HAL: variants seen among roughly 807,000 people sequenced by gnomAD.
HAL encodes the protein histidase.
HAL carries 85 observed loss-of-function variants against 81.1 expected under a neutral mutation model. The observed-to-expected ratio is 1.05, with a 90% CI of 0.88 to 1.25. The LOEUF is 1.25. Ranked by LOEUF, HAL falls within the 50% of genes most tolerant of loss-of-function variation. HAL has a pLI of 0.00. For synonymous variants in HAL, 301 were observed against 309.2 expected (o/e 0.97, Z 0.28); for missense variants, 798 against 836.6 (o/e 0.95, Z 0.57).
rs121434329 is a variant in HAL, at chr12:95,990,472, G to A, written c.776C>T (p.Pro259Leu). Residue 259 changes from proline to leucine, a missense_variant, in exon 10 of 21, where the codon CCA (proline) becomes CTA (leucine). Coordinates refer to ENST00000261208, the MANE Select transcript of HAL (RefSeq NM_002108.4). ...GTVGASGDLA[P>L]LSHLALGLVG... ...TAGCCCAAGAGCAAGATGAGAGAGT[G>A]GGGCAAGGTCTCCACTGGCACCAAC... The A allele has an allele frequency of 6.5e-5, 104 of 1,612,008 alleles. No individual in the cohort carries two copies. Among genetic ancestry groups the A allele is most frequent in the East Asian group, 3.8e-4 (17 of 44,890 alleles).
chr12:95,992,930 C>T, intron 8 of HAL, 125 bp from the exon 9 acceptor site: 1 of 864,570 alleles, frequency 1.2e-6, no homozygotes, highest in South Asian at 1.3e-5. Context: ...CTCCTCTCGG[C>T]TCAGGTAGTT....
intron 4 of HAL, 131 bp from the exon 5 acceptor site, chr12:95,994,295 T>C: frequency 1.3e-6 from 1 of 777,952 alleles, no homozygotes. Flanking sequence ...ATATGCTAAA[T>C]AAAAATGCAT....
intron 17 of HAL, 106 bp downstream of exon 17, chr12:95,980,450 T>C: frequency 9.5e-7 from 1 of 1,050,382 alleles, no homozygotes; most frequent in African/African-American, 1.6e-5. Context: ...ATAAAAGTGG[T>C]GAAAAGTTAG....
At chr12:95,990,682 C>A in intron 9 of HAL, 150 bp from the exon 10 acceptor site, 1 of 723,114 alleles carries the variant, frequency 1.4e-6, no homozygotes, top group South Asian at 1.5e-5. Flanking sequence ...GACAATTCTT[C>A]AAACCCAGCT....
chr12:95,993,907 C>T lies in HAL; in HGVS notation c.484+19G>A, dbSNP rs745873290. 6 of 1,511,524 alleles carry T rather than the reference C, an allele frequency of 4.0e-6. No homozygotes were observed. The highest frequency in any genetic ancestry group is 1.1e-5 in the South Asian group (1 of 88,852). The allele number at this position is 1,511,524 out of a possible 1,614,324, so 93.6% of individuals were successfully genotyped here. A position where few individuals can be genotyped will look rare whatever the true frequency, so the allele number is the denominator to read the frequency against. On this transcript the variant is annotated intron_variant, in intron 6 of 20. Transcript: ENST00000261208. ...TGTTTGTTTATAAAAATATTTATAA[C>T]ATAAAGATAAAAAGATACCTGTTTT...
At chr12:95,993,371 T>G in intron 8 of HAL, 80 bp downstream of exon 8, 2 of 925,960 alleles carry the variant, frequency 2.2e-6, no homozygotes, top group Non-Finnish European at 3.6e-6. Context: ...TTTGTGACTA[T>G]AACTGGATAA....
At chr12:95,979,046 TA>T (rs2080760288) in intron 17 of HAL, among the ~76,000 whole-genome samples, 1 of 152,194 alleles carries the variant, frequency 6.6e-6, no homozygotes, top group African/African-American at 2.4e-5. Context: ...TAAACTGTGG[TA>T]AGGCTTGTTC....
At chr12:95,980,185 T>C (rs1175731013) in intron 17 of HAL, among the ~76,000 whole-genome samples, 1 of 152,212 alleles carries the variant, frequency 6.6e-6, no homozygotes, top group Non-Finnish European at 1.5e-5. Context: ...AATTATAGGT[T>C]GGTTCAAGTT....
At chr12:95,995,592 G>C in intron 2 of HAL, 72 bp downstream of exon 2, 1 of 1,593,190 alleles carries the variant, frequency 6.3e-7, no homozygotes. Flanking sequence ...CCCTGAGGTG[G>C]GGGTTCAATG....
chr12:95,990,322 C>T lies in HAL; in HGVS notation c.855+71G>A, dbSNP rs7316786. 9.6e-3 allele frequency: 11,981 copies of T among 1,242,692 alleles called. 870 individuals carry two copies. The African/African-American group carries it at 0.16, about 16-fold the overall frequency. 77.0% of individuals were successfully genotyped at this position (1,242,692 alleles called of 1,614,324 possible). ...GGGCTGTTGTAAGGACTAGGTGATACGAAGCATGCAAGCACAGTTGGTGTC... is the reference window on the plus strand; with the variant it reads ...GGGCTGTTGTAAGGACTAGGTGATATGAAGCATGCAAGCACAGTTGGTGTC... On this transcript the variant is annotated intron_variant, in intron 10 of 20. Coordinates refer to ENST00000261208, the MANE Select transcript of HAL (RefSeq NM_002108.4).
At chr12:95,994,732 G>A in intron 4 of HAL, 66 bp downstream of exon 4, 2 of 1,479,122 alleles carry the variant, frequency 1.4e-6, no homozygotes, top group East Asian at 2.3e-5. Context: ...AGTTTTCCTG[G>A]CTTTCCTCCC....
intron 15 of HAL, among the ~76,000 whole-genome samples, 176 bp from the exon 16 acceptor site, chr12:95,981,039 G>C (rs1468736479): frequency 6.6e-6 from 1 of 152,110 alleles, no homozygotes; most frequent in Non-Finnish European, 1.5e-5. Flanking sequence ...AAAACAAAAA[G>C]CCTTAAAGGT....
intron 14 of HAL, 139 bp downstream of exon 14, chr12:95,985,769 C>A: frequency 1.5e-6 from 1 of 667,510 alleles, no homozygotes; most frequent in Admixed American, 2.4e-5. Flanking sequence ...TTCATAGAGA[C>A]AGTAAGAAAT....
intron 7 of HAL, 75 bp from the exon 8 acceptor site, chr12:95,993,563 G>C: frequency 9.5e-7 from 1 of 1,049,726 alleles, no homozygotes; most frequent in Non-Finnish European, 1.5e-6. Context: ...AAAATGAAGG[G>C]AATCATGGTC....
Position 95,977,393 on chromosome 12 carries a change from A to AC in HAL, c.1654+550_1654+551insG, listed in dbSNP as rs1300652891. Among the ~76,000 whole-genome samples, 3 of 151,810 alleles carry AC rather than the reference A, an allele frequency of 2.0e-5. No individual in the cohort carries two copies. The East Asian group carries it at 5.8e-4, about 30-fold the overall frequency. The stretch of plus-strand genomic sequence containing the variant: ...TGTTTTAAAAGTCTCATTAAAAAAA[A>AC]AACCACTTTGGGGGTGAGGTGGGAG... On this transcript the variant is annotated intron_variant, in intron 18 of 20. Transcript: ENST00000261208.
intron 18 of HAL, 120 bp downstream of exon 18, chr12:95,977,824 G>C: frequency 9.5e-7 from 1 of 1,050,236 alleles, no homozygotes; most frequent in East Asian, 2.4e-5. Context: ...AGGCCTGAGA[G>C]TCTGCCTTCC....
At chr12:95,982,012 T>C (rs759371766) in intron 15 of HAL, among the ~76,000 whole-genome samples, 18 of 152,216 alleles carry the variant, frequency 1.2e-4, no homozygotes, top group Non-Finnish European at 2.4e-4. Flanking sequence ...TGTGAGCCCA[T>C]TGGGTCTAGC....
chr12:95,979,345 T>C (rs184867974), intron 17 of HAL, among the ~76,000 whole-genome samples: 70 of 152,312 alleles, frequency 4.6e-4, no homozygotes, highest in African/African-American at 1.7e-3. Context: ...TTTGTGTTCG[T>C]TGGGAATAAT....
intron 2 of HAL, 36 bp downstream of exon 2, chr12:95,995,628 C>T: frequency 6.2e-7 from 1 of 1,610,692 alleles, no homozygotes. Context: ...CAGGCCAAAC[C>T]GCACCCGTTC....
Sources: gnomAD v4.1 joint callset for allele counts (sites outside exome capture counted in the v4.1 genomes callset) on GRCh38, gnomAD v4.1.1 for gene constraint, MANE v1.5 for transcripts, NCBI Gene and HGNC (gene_info 2026-07-23, HGNC 2026-07-21) for gene names.